ZBTB20: variants seen among roughly 807,000 people sequenced by gnomAD.
The protein encoded by ZBTB20 is zinc finger and BTB domain-containing protein 20.
ZBTB20 carries 9 observed loss-of-function variants against 56.9 expected under a neutral mutation model. The observed-to-expected ratio is 0.16, with a 90% CI of 0.10 to 0.28. ZBTB20 has a LOEUF of 0.28. Among genes scored for constraint, ZBTB20 ranks in the 10% least tolerant of loss-of-function variants. The probability of loss-of-function intolerance (pLI) is 1.00; values close to 1 mark genes in which losing one functional copy is unlikely to be tolerated. For synonymous variants in ZBTB20, 417 were observed against 420.7 expected, an observed-to-expected ratio of 0.99 and a Z score of 0.11; for missense variants, 655 against 1,003.0, an observed-to-expected ratio of 0.65 and a Z score of 4.69.
chr3:114,756,905 A>G (rs2068047415), intron 5 of ZBTB20, among the ~76,000 whole-genome samples: 1 of 152,136 alleles, frequency 6.6e-6, no homozygotes, highest in Non-Finnish European at 1.5e-5. Flanking sequence ...TTAATTTCTG[A>G]ATCTCATATC....
intron 6 of ZBTB20, among the ~76,000 whole-genome samples, chr3:114,635,671 G>C (rs1560067968): frequency 6.6e-6 from 1 of 151,806 alleles, no homozygotes; most frequent in African/African-American, 2.4e-5. Context: ...AGATTCACTA[G>C]AGGAGTTCAA....
At chr3:114,806,366 TA>T (rs1359036911) in intron 4 of ZBTB20, among the ~76,000 whole-genome samples, 6 of 152,024 alleles carry the variant, frequency 3.9e-5, no homozygotes, top group Admixed American at 6.6e-5. Flanking sequence ...AAGTGCTTAT[TA>T]GGCATGACTT....
chr3:114,773,141 T>A (rs1486970565), intron 5 of ZBTB20, among the ~76,000 whole-genome samples: 1 of 152,118 alleles, frequency 6.6e-6, no homozygotes, highest in South Asian at 2.1e-4. Flanking sequence ...TGAATAAGCA[T>A]GAAAGTGGAT....
At position 114,768,195 on chromosome 3, in the gene ZBTB20, G is replaced by C. The variant is rs190246796; in HGVS notation, c.-343+32906C>G. On this transcript the variant is annotated intron_variant, in intron 5 of 11. Coordinates refer to ENST00000675478, the MANE Select transcript of ZBTB20 (RefSeq NM_001348800.3). ...AACACACACACATTAAAAATAAAAA[G>C]GTGTTCCTTCTCTCCAAGTCAACCC... 1.4e-4 allele frequency among the ~76,000 whole-genome samples: 21 copies of C among 151,846 alleles called. No individual in the cohort carries two copies. The East Asian group carries it at 4.1e-3, about 29-fold the overall frequency.
At chr3:114,536,752 A>G (rs1249751430) in intron 6 of ZBTB20, among the ~76,000 whole-genome samples, 3 of 152,198 alleles carry the variant, frequency 2.0e-5, no homozygotes, top group African/African-American at 4.8e-5. Context: ...CTAGAAGGCT[A>G]CTGTTACCAA....
chr3:114,811,500 T>C (rs1445376600), intron 4 of ZBTB20, among the ~76,000 whole-genome samples: 1 of 152,234 alleles, frequency 6.6e-6, no homozygotes, highest in Non-Finnish European at 1.5e-5. Flanking sequence ...CTAGGAATTA[T>C]CTAAACTCAT....
chr3:114,926,027 A>C (rs948017799), intron 3 of ZBTB20, among the ~76,000 whole-genome samples: 9 of 152,320 alleles, frequency 5.9e-5, no homozygotes, highest in African/African-American at 2.2e-4. Context: ...TGCCCTGTGC[A>C]TGTGCAGTTC....
intron 2 of ZBTB20, among the ~76,000 whole-genome samples, chr3:115,033,027 A>G (rs910960816): frequency 3.3e-5 from 5 of 150,700 alleles, no homozygotes; most frequent in Non-Finnish European, 7.4e-5. Context: ...ATTAGAGCAG[A>G]TGTAAAATAC....
intron 4 of ZBTB20, among the ~76,000 whole-genome samples, chr3:114,805,011 C>T (rs1462343316): frequency 1.3e-5 from 2 of 151,684 alleles, no homozygotes; most frequent in Non-Finnish European, 2.9e-5. Context: ...GATAATTATC[C>T]TTTAATCTAT....
At chr3:114,347,245 C>A (rs1297013292) in intron 11 of ZBTB20, among the ~76,000 whole-genome samples, 3 of 151,932 alleles carry the variant, frequency 2.0e-5, no homozygotes, top group Non-Finnish European at 4.4e-5. Context: ...AAAGCAACTA[C>A]CATCTATATT....
At chr3:114,476,600 G>A (rs543751850) in intron 7 of ZBTB20, among the ~76,000 whole-genome samples, 1 of 152,228 alleles carries the variant, frequency 6.6e-6, no homozygotes, top group Admixed American at 6.5e-5. Context: ...GAGCAAGAAG[G>A]AGCCAAACTC....
At chr3:114,961,129 C>T (rs1303462023) in intron 3 of ZBTB20, among the ~76,000 whole-genome samples, 2 of 149,554 alleles carry the variant, frequency 1.3e-5, no homozygotes, top group African/African-American at 4.9e-5. Context: ...AAAAAAAATA[C>T]ATGATAACTG....
At chr3:115,071,134 T>C (rs2082395558) in intron 2 of ZBTB20, 85 bp downstream of exon 2, 1 of 152,184 alleles carries the variant, frequency 6.6e-6, no homozygotes, top group South Asian at 2.1e-4. Flanking sequence ...GCTTATATTT[T>C]GGACAGAGAA....
At chr3:114,410,013 C>A (rs1025812389) in intron 7 of ZBTB20, among the ~76,000 whole-genome samples, 1 of 151,984 alleles carries the variant, frequency 6.6e-6, no homozygotes, top group African/African-American at 2.4e-5. Context: ...GAAAGTATAG[C>A]CTTTATCGAA....
At chr3:114,341,098 CAG>C (rs1560095443) in intron 11 of ZBTB20, among the ~76,000 whole-genome samples, 1 of 152,144 alleles carries the variant, frequency 6.6e-6, no homozygotes, top group African/African-American at 2.4e-5. Flanking sequence ...CAAACATAAA[CAG>C]ATATGTTTTG....
intron 2 of ZBTB20, among the ~76,000 whole-genome samples, chr3:114,981,521 A>G (rs781230107): frequency 2.0e-4 from 31 of 152,058 alleles, no homozygotes; most frequent in Non-Finnish European, 4.1e-4. Flanking sequence ...GCAGAGTCAA[A>G]GAGAAATCTA....
At chr3:114,994,642 T>C (rs1014224256) in intron 2 of ZBTB20, among the ~76,000 whole-genome samples, 2 of 152,078 alleles carry the variant, frequency 1.3e-5, no homozygotes, top group Admixed American at 1.3e-4. Context: ...TCTTTAAGTT[T>C]ATTATTATTG....
chr3:114,805,170 T>G (rs567365746), intron 4 of ZBTB20, among the ~76,000 whole-genome samples: 62 of 152,044 alleles, frequency 4.1e-4, no homozygotes, highest in African/African-American at 1.5e-3. Context: ...CATGGTAAAT[T>G]TGACAAAATT....
At chr3:114,573,900 A>T (rs1377651144) in intron 6 of ZBTB20, among the ~76,000 whole-genome samples, 1 of 152,166 alleles carries the variant, frequency 6.6e-6, no homozygotes, top group Non-Finnish European at 1.5e-5. Context: ...AGAAAGTTCA[A>T]TAAAAAGGCA....
Sources: gnomAD v4.1 joint callset for allele counts (sites outside exome capture counted in the v4.1 genomes callset) on GRCh38, gnomAD v4.1.1 for gene constraint, MANE v1.5 for transcripts, NCBI Gene and HGNC (gene_info 2026-07-23, HGNC 2026-07-21) for gene names.